The following CSPP1 variants were observed in gnomAD, a reference collection of about 807,000 sequenced individuals.
The protein encoded by CSPP1 is centrosome and spindle pole associated protein 1.
CSPP1 carries 126 observed loss-of-function variants against 164.4 expected under a neutral mutation model. The ratio of observed to expected loss-of-function variants is 0.77; its 90% CI spans 0.66 to 0.89. The LOEUF is 0.89. Among genes scored for constraint, CSPP1 ranks in the 40% least tolerant of loss-of-function variants. CSPP1 has a pLI of 0.00. For missense variants in CSPP1, 1,395 were observed against 1,449.8 expected (o/e 0.96, Z 0.61); for synonymous variants, 472 against 476.7 (o/e 0.99, Z 0.13).
intron 4 of CSPP1, among the ~76,000 whole-genome samples, chr8:67,089,799 G>A (rs1196343986): frequency 1.4e-5 from 2 of 147,414 alleles, no homozygotes; most frequent in Non-Finnish European, 3.0e-5. Context: ...AAGAATTAAA[G>A]TTTTTTTGGT....
At chr8:67,113,769 T>C in intron 10 of CSPP1, 36 bp from the exon 11 acceptor site, 1 of 1,140,522 alleles carries the variant, frequency 8.8e-7, no homozygotes, top group Non-Finnish European at 1.3e-6. Context: ...TAGTTTACTA[T>C]ATCTTTTTAA....
At chr8:67,078,448 T>A (rs549767127) in intron 3 of CSPP1, among the ~76,000 whole-genome samples, 219 of 152,226 alleles carry the variant, frequency 1.4e-3, no homozygotes, top group African/African-American at 5.0e-3. Context: ...CTTAAGTGAT[T>A]CATCCTCCCT....
At chr8:67,130,066 A>G (rs1820894912) in intron 15 of CSPP1, among the ~76,000 whole-genome samples, 1 of 152,164 alleles carries the variant, frequency 6.6e-6, no homozygotes, top group African/African-American at 2.4e-5. Flanking sequence ...TATTTGTGGG[A>G]TGTGAAACCC....
chr8:67,086,599 A>G (rs1033598695), intron 4 of CSPP1, among the ~76,000 whole-genome samples: 9 of 152,132 alleles, frequency 5.9e-5, no homozygotes, highest in African/African-American at 1.9e-4. Context: ...ATTTTTGTTA[A>G]ATTATATAAT....
chr8:67,069,178 G>A (rs571945265), intron 1 of CSPP1: 1 of 152,332 alleles, frequency 6.6e-6, no homozygotes, highest in African/African-American at 2.4e-5. Flanking sequence ...CAACTTAACT[G>A]TGGTAGTTTT....
At chr8:67,076,178 T>C (rs1200730121) in intron 2 of CSPP1, among the ~76,000 whole-genome samples, 1 of 152,180 alleles carries the variant, frequency 6.6e-6, no homozygotes, top group African/African-American at 2.4e-5. Context: ...CCCAATAGTT[T>C]ATAAGCTTCA....
At chr8:67,108,121 T>A (rs1649258847) in intron 9 of CSPP1, among the ~76,000 whole-genome samples, 1 of 151,922 alleles carries the variant, frequency 6.6e-6, no homozygotes. Flanking sequence ...TTGGGTGTGG[T>A]GGCTCACACC....
At chr8:67,073,944 T>C (rs990072597) in intron 1 of CSPP1, among the ~76,000 whole-genome samples, 21 of 152,344 alleles carry the variant, frequency 1.4e-4, no homozygotes, top group Non-Finnish European at 2.5e-4. Flanking sequence ...GTGCTTTGGC[T>C]TAAGGATTTA....
At chr8:67,077,679 G>C (rs1043655545) in intron 3 of CSPP1, among the ~76,000 whole-genome samples, 1 of 152,202 alleles carries the variant, frequency 6.6e-6, no homozygotes, top group Non-Finnish European at 1.5e-5. Context: ...ATTTATTGAT[G>C]ATGACAAACT....
chr8:67,161,902 G>T lies in CSPP1; in HGVS notation c.2630G>T (p.Arg877Leu), dbSNP rs16933182. The T allele has an allele frequency of 2.5e-6, 4 of 1,602,366 alleles. No individual in the cohort carries two copies. The highest frequency in any genetic ancestry group is 1.7e-4 in the Middle Eastern group (1 of 6,026). ...QRPPSVDSII[R>L]SFIHESSMSR... ...CCTCCTTCAGTTGACAGCATCATAC[G>T]TTCCTTTATTCATGTATGTACTTTT... The change falls in exon 22 of 31, where the codon CGT becomes CTT. Residue 877 changes from arginine (R) to leucine (L), a missense_variant. Transcript: ENST00000678616.
chr8:67,066,509 C>T (rs1489770133), intron 1 of CSPP1, among the ~76,000 whole-genome samples: 2 of 151,874 alleles, frequency 1.3e-5, no homozygotes, highest in Admixed American at 1.3e-4. Flanking sequence ...TTTTTCCAGA[C>T]AAAACTCTTC....
chr8:67,072,198 C>A (rs575707043), intron 1 of CSPP1, among the ~76,000 whole-genome samples: 18 of 151,694 alleles, frequency 1.2e-4, no homozygotes, highest in African/African-American at 4.4e-4. Flanking sequence ...GAGGCTGAGG[C>A]AGGAGAATTG....
At chr8:67,130,243 T>G (rs188875183) in intron 15 of CSPP1, among the ~76,000 whole-genome samples, 12 of 152,234 alleles carry the variant, frequency 7.9e-5, no homozygotes, top group African/African-American at 2.9e-4. Context: ...CCTTTCATCC[T>G]GATCTGACTA....
chr8:67,082,133 T>C (rs1353277003), intron 3 of CSPP1, among the ~76,000 whole-genome samples: 3 of 152,152 alleles, frequency 2.0e-5, no homozygotes, highest in African/African-American at 7.2e-5. Context: ...CTGCAACCTC[T>C]GCCTCCTGGG....
intron 15 of CSPP1, among the ~76,000 whole-genome samples, chr8:67,124,263 A>G (rs1306810223): frequency 6.6e-6 from 1 of 152,088 alleles, no homozygotes; most frequent in African/African-American, 2.4e-5. Context: ...TGCCTTTTGC[A>G]TAATTTTGAG....
chr8:67,160,820 TTTTATTTA>T (rs898114009), intron 21 of CSPP1, among the ~76,000 whole-genome samples: 3 of 151,964 alleles, frequency 2.0e-5, no homozygotes, highest in East Asian at 1.9e-4. Context: ...ATCTTTTTAT[TTTTATTTA>T]TTTATTTATT....
chr8:67,168,024 C>T (rs566415991), intron 24 of CSPP1, among the ~76,000 whole-genome samples: 2,270 of 152,298 alleles, frequency 0.015, 30 homozygotes, highest in Non-Finnish European at 0.02. Context: ...ACTGAGTGAA[C>T]GAGACTCCGT....
intron 16 of CSPP1, among the ~76,000 whole-genome samples, chr8:67,136,397 C>T (rs1386330978): frequency 2.0e-5 from 3 of 151,670 alleles, no homozygotes; most frequent in South Asian, 4.2e-4. Flanking sequence ...GGTGAAACCC[C>T]GTCTCTACTA....
At chr8:67,079,243 C>A (rs964217843) in intron 3 of CSPP1, among the ~76,000 whole-genome samples, 1 of 152,082 alleles carries the variant, frequency 6.6e-6, no homozygotes, top group African/African-American at 2.4e-5. Flanking sequence ...CGAACTTGAC[C>A]CATATGTCTG....
Sources: allele counts gnomAD v4.1 joint callset (sites outside exome capture counted in the v4.1 genomes callset), GRCh38; gene constraint gnomAD v4.1.1; transcripts MANE v1.5; gene names NCBI Gene and HGNC (gene_info 2026-07-23, HGNC 2026-07-21).